Variants in GHR observed in about 807,000 individuals in gnomAD.
GHR encodes growth hormone receptor.
Under a neutral mutation model 67.1 loss-of-function variants are expected in GHR, and 35 were observed. The observed-to-expected ratio is 0.52, with a 90% CI of 0.40 to 0.69. The LOEUF is 0.69. Among genes scored for constraint, GHR ranks in the 30% least tolerant of loss-of-function variants. The pLI is 0.00. For synonymous variants in GHR, 272 were observed against 269.1 expected (o/e 1.01, Z -0.10); for missense variants, 792 against 764.6 (o/e 1.04, Z -0.42).
intron 1 of GHR, among the ~76,000 whole-genome samples, chr5:42,462,150 T>C (rs1048177022): frequency 6.6e-6 from 1 of 152,214 alleles, no homozygotes; most frequent in African/African-American, 2.4e-5. Flanking sequence ...CCAACCCACA[T>C]ATAGACACCG....
chr5:42,535,132 T>A (rs554745311), intron 1 of GHR, among the ~76,000 whole-genome samples: 1 of 152,296 alleles, frequency 6.6e-6, no homozygotes, highest in South Asian at 2.1e-4. Flanking sequence ...TGCTGACTGT[T>A]CCTTTTGCTG....
chr5:42,695,889 T>G (rs1446063168), intron 5 of GHR, among the ~76,000 whole-genome samples: 2 of 152,214 alleles, frequency 1.3e-5, no homozygotes, highest in Non-Finnish European at 2.9e-5. Context: ...TCTTTTTATG[T>G]GGTTTTCTAG....
chr5:42,579,321 C>T (rs1751035926), intron 2 of GHR, among the ~76,000 whole-genome samples: 1 of 152,178 alleles, frequency 6.6e-6, no homozygotes, highest in South Asian at 2.1e-4. Flanking sequence ...ACATTAAATA[C>T]TCATTACCAA....
rs958215236 is a variant in GHR at position 42,580,453 on chromosome 5, C to T, written c.70+14509C>T. Among the ~76,000 whole-genome samples, 15 of 152,182 alleles carry T rather than the reference C, an allele frequency of 9.9e-5. No homozygotes were observed. The East Asian group carries it at 2.7e-3, about 27-fold the overall frequency. On this transcript the variant is annotated intron_variant, in intron 2 of 9. Coordinates refer to ENST00000230882, the MANE Select transcript of GHR (RefSeq NM_000163.5). ...TGGAAAGAGCTATGGAAAACTGCCC[C>T]ATTTGTTCCTCATCTGAGTATACCC...
At chr5:42,624,215 A>G (rs1448525241) in intron 2 of GHR, among the ~76,000 whole-genome samples, 1 of 152,202 alleles carries the variant, frequency 6.6e-6, no homozygotes, top group Non-Finnish European at 1.5e-5. Context: ...TGCAAAAAGA[A>G]TTAAATGCTG....
intron 2 of GHR, among the ~76,000 whole-genome samples, chr5:42,612,666 A>C (rs1752947248): frequency 6.6e-6 from 1 of 152,154 alleles, no homozygotes; most frequent in African/African-American, 2.4e-5. Flanking sequence ...GTATAAACAA[A>C]GAGAAAGGGC....
chr5:42,557,775 T>A (rs1749390807), intron 1 of GHR, among the ~76,000 whole-genome samples: 2 of 152,226 alleles, frequency 1.3e-5, no homozygotes, highest in African/African-American at 4.8e-5. Flanking sequence ...ATTAACTAAA[T>A]GTGATCAGCT....
At chr5:42,679,009 A>T (rs1756705460) in intron 3 of GHR, among the ~76,000 whole-genome samples, 1 of 146,458 alleles carries the variant, frequency 6.8e-6, no homozygotes, top group African/African-American at 2.5e-5. Context: ...AATTAATAAC[A>T]TATTAATTCA....
intron 9 of GHR, 44 bp from the exon 10 acceptor site, chr5:42,718,409 A>C: frequency 7.2e-7 from 1 of 1,379,570 alleles, no homozygotes; most frequent in Non-Finnish European, 1.0e-6. Context: ...TTTAATTATT[A>C]TGAGTTTCTT....
chr5:42,563,393 T>G (rs1367103811), intron 1 of GHR, among the ~76,000 whole-genome samples: 1 of 151,640 alleles, frequency 6.6e-6, no homozygotes, highest in East Asian at 2.0e-4. Flanking sequence ...GGCGGGTGGG[T>G]CACTTGAGGT....
At chr5:42,460,254 T>A (rs1744432758) in intron 1 of GHR, among the ~76,000 whole-genome samples, 2 of 152,190 alleles carry the variant, frequency 1.3e-5, no homozygotes, top group African/African-American at 4.8e-5. Flanking sequence ...TTTTTGTTGT[T>A]TAAATCACCC....
chr5:42,564,950 G>C (rs535370006), intron 1 of GHR, among the ~76,000 whole-genome samples: 2 of 152,216 alleles, frequency 1.3e-5, no homozygotes, highest in Non-Finnish European at 2.9e-5. Context: ...AAGGCAATAC[G>C]CTGAGTTCAT....
In GHR at chr5:42,517,433, G is replaced by A. The variant is rs1002289017; in HGVS notation, c.-11-48431G>A. On this transcript the variant is annotated intron_variant, in intron 1 of 9. Transcript: ENST00000230882. The stretch of plus-strand genomic sequence containing the variant: ...AGTACCTATCCCATGGTAGGCACTC[G>A]GTAAATACTGAAGGAATGAGTACAG... 1.2e-4 allele frequency among the ~76,000 whole-genome samples: 18 copies of A among 152,222 alleles called. No homozygotes were observed. The East Asian group carries it at 1.4e-3, about 11-fold the overall frequency.
intron 1 of GHR, among the ~76,000 whole-genome samples, chr5:42,525,065 G>C (rs1747647983): frequency 6.6e-6 from 1 of 152,218 alleles, no homozygotes; most frequent in South Asian, 2.1e-4. Flanking sequence ...CCCCCACACA[G>C]AGTCCCTGCT....
intron 1 of GHR, among the ~76,000 whole-genome samples, chr5:42,433,349 T>A (rs1482230974): frequency 2.6e-5 from 4 of 152,206 alleles, no homozygotes; most frequent in African/African-American, 9.7e-5. Context: ...ATATGTTGAA[T>A]AAATAAGTTT....
intron 1 of GHR, among the ~76,000 whole-genome samples, chr5:42,445,787 A>T (rs1370457311): frequency 1.3e-5 from 2 of 152,238 alleles, no homozygotes; most frequent in Admixed American, 1.3e-4. Flanking sequence ...TGCTTCGATA[A>T]GAAAGCAAAA....
chr5:42,646,035 T>C (rs1754711893), intron 3 of GHR, among the ~76,000 whole-genome samples: 1 of 152,250 alleles, frequency 6.6e-6, no homozygotes. Context: ...GGTATGTGCC[T>C]AGACATGGCT....
At chr5:42,585,919 C>T (rs772707301) in intron 2 of GHR, among the ~76,000 whole-genome samples, 1 of 152,180 alleles carries the variant, frequency 6.6e-6, no homozygotes, top group Non-Finnish European at 1.5e-5. Flanking sequence ...AATCCTGGCT[C>T]TACCTGGATT....
chr5:42,661,982 C>A (rs1755658230), intron 3 of GHR, among the ~76,000 whole-genome samples: 1 of 152,074 alleles, frequency 6.6e-6, no homozygotes, highest in Non-Finnish European at 1.5e-5. Context: ...AGACTTTAAA[C>A]CAACAAAGAT....
Sources: allele counts gnomAD v4.1 joint callset (sites outside exome capture counted in the v4.1 genomes callset), GRCh38; gene constraint gnomAD v4.1.1; transcripts MANE v1.5; gene names NCBI Gene and HGNC (gene_info 2026-07-23, HGNC 2026-07-21).